GSG1L2: variants seen among roughly 807,000 people sequenced by gnomAD.
The protein encoded by GSG1L2 is GSG1 like 2, also known as germ cell-specific gene 1-like protein 2.
In GSG1L2, 15 loss-of-function variants were observed where a neutral mutation model predicts 9.0. That is an observed-to-expected ratio of 1.67 (90% CI 1.12 to 2.57). The LOEUF is 2.57. Among genes scored for constraint, GSG1L2 ranks in the 30% most tolerant of loss-of-function variants. The pLI, the probability that GSG1L2 is intolerant of heterozygous loss-of-function variation, is 0.00. For missense variants in GSG1L2, 286 were observed against 150.3 expected (o/e 1.90, Z -4.72); for synonymous variants, 127 against 57.9 (o/e 2.19, Z -5.41).
chr17:9,804,535 TC>T (rs968647022), intron 4 of GSG1L2: 1 of 152,170 alleles, frequency 6.6e-6, no homozygotes, highest in African/African-American at 2.4e-5. Context: ...TCAGAAATTA[TC>T]AGCCAGGCAT....
At position 9,820,725 on chromosome 17, in the gene GSG1L2, C is replaced by T. The variant is rs527552810; in HGVS notation, c.310+1037G>A. ...TCATTCAGGCTGGAGGGCAGTCACA[C>T]GATGATGACTCACTGCAGCCTCAAC... is the stretch of plus-strand genomic sequence containing the variant. On this transcript the variant is annotated intron_variant, in intron 1 of 4. Coordinates refer to ENST00000399363, the MANE Select transcript of GSG1L2 (RefSeq NM_001310219.2). The surrounding 1 kb of genome is among the most constrained non-coding windows in gnomAD (Gnocchi z 4.9). Among the ~76,000 whole-genome samples, 15 of 151,646 alleles carry T rather than the reference C, an allele frequency of 9.9e-5. No homozygotes were observed. Among genetic ancestry groups the T allele is most frequent in the South Asian group, 6.2e-4 (3 of 4,810 alleles).
At chr17:9,808,083 A>G (rs1187579010) in intron 3 of GSG1L2, among the ~76,000 whole-genome samples, 2 of 152,198 alleles carry the variant, frequency 1.3e-5, no homozygotes, top group Non-Finnish European at 2.9e-5. Context: ...GGGACTTTAA[A>G]AAAAGGACTT....
At position 9,801,857 on chromosome 17, in the gene GSG1L2, T is replaced by C. The variant is rs551487196; in HGVS notation, c.*529A>G. ...AACACAAAATTTCCAAGAAAAAATA[T>C]TTTAAAAAATAACAGGAAACATATT... On this transcript the variant is annotated 3_prime_UTR_variant, in exon 5 of 5. Coordinates refer to ENST00000399363, the MANE Select transcript of GSG1L2 (RefSeq NM_001310219.2). Among the ~76,000 whole-genome samples the C allele has an allele frequency of 2.3e-4, 35 of 152,318 alleles. No homozygotes were observed. The highest frequency in any genetic ancestry group is 7.5e-4 in the African/African-American group (31 of 41,576).
rs955356337 is a variant in GSG1L2, at chr17:9,802,575, G to A, written c.693C>T (p.Ala231=). 3.8e-5 allele frequency: 27 copies of A among 702,748 alleles called. No individual in the cohort carries two copies. The highest frequency in any genetic ancestry group is 6.0e-5 in the Non-Finnish European group (23 of 384,978). 43.5% of individuals were successfully genotyped at this position (702,748 alleles called of 1,614,324 possible). Residue 231 remains alanine (A), a synonymous_variant, in exon 5 of 5, where the codon GCC becomes GCT. Coordinates refer to ENST00000399363, the MANE Select transcript of GSG1L2 (RefSeq NM_001310219.2). ...SVSAMSRFTA[A]RLEFTEKQQA... The stretch of plus-strand genomic sequence containing the variant: ...GCTGCTTCTCGGTGAATTCCAGGCG[G>A]GCTGCCGTGAACCTGCTCATGGCCG...
chr17:9,801,496 G>A lies in GSG1L2; in HGVS notation c.*890C>T, dbSNP rs1475443558. 2.0e-5 allele frequency among the ~76,000 whole-genome samples: 3 copies of A among 152,064 alleles called. No individual in the cohort carries two copies. Among genetic ancestry groups the A allele is most frequent in the South Asian group, 2.1e-4 (1 of 4,824 alleles). On this transcript the variant is annotated 3_prime_UTR_variant, in exon 5 of 5. Coordinates refer to ENST00000399363, the MANE Select transcript of GSG1L2 (RefSeq NM_001310219.2). ...CTCACAAAGTGCTGGGATTACAGGC[G>A]TGAGCCACTACACCCACCCCCTTTC...
chr17:9,810,641 C>A, intron 1 of GSG1L2, 23 bp from the exon 2 acceptor site: 1 of 702,956 alleles, frequency 1.4e-6, no homozygotes, highest in South Asian at 1.5e-5. Flanking sequence ...GAGAATGCAT[C>A]CAGAAGTGGG....
At chr17:9,803,361 C>T (rs2066504871) in intron 4 of GSG1L2, among the ~76,000 whole-genome samples, 1 of 152,152 alleles carries the variant, frequency 6.6e-6, no homozygotes, top group South Asian at 2.1e-4. Context: ...CCTTGGCCTC[C>T]CACAGTGCTG....
chr17:9,808,902 C>T lies in GSG1L2; in HGVS notation c.439G>A (p.Val147Met), dbSNP rs1312144503. The T allele has an allele frequency of 8.5e-6, 6 of 702,888 alleles. No homozygotes were observed. 43.5% of individuals were successfully genotyped at this position (702,888 alleles called of 1,614,324 possible). Reference protein sequence around the residue: ...LTSAILLGSRVSCRSPGFHWL... With the variant: ...LTSAILLGSRMSCRSPGFHWL... ...TGGAACCCAGGGCTGCGACAACTCA[C>T]TCTGGAGCCCAGGAGGATGGCGCTT... Residue 147 changes from valine to methionine, a missense_variant, in exon 3 of 5, where the codon GTG (valine) becomes ATG (methionine). Coordinates refer to ENST00000399363, the MANE Select transcript of GSG1L2 (RefSeq NM_001310219.2).
intron 1 of GSG1L2, among the ~76,000 whole-genome samples, chr17:9,812,537 A>G (rs2066543253): frequency 6.6e-6 from 1 of 152,142 alleles, no homozygotes; most frequent in Admixed American, 6.5e-5. Flanking sequence ...CAACAGGAAC[A>G]GCTTTTCAGA....
intron 1 of GSG1L2, among the ~76,000 whole-genome samples, chr17:9,816,842 GTGTTTCTGTGTATCTGTATGTGTGTGTC>G: frequency 8.2e-6 from 1 of 121,548 alleles, no homozygotes; most frequent in African/African-American, 3.3e-5. Context: ...GTATCTGTGT[GTGTTTCTGTGTATCTGTATGTGTGTGTC>G]TGTGTGTGTA....
intron 1 of GSG1L2, among the ~76,000 whole-genome samples, chr17:9,816,500 GTGCC>G (rs1328350895): frequency 6.7e-6 from 1 of 148,272 alleles, no homozygotes; most frequent in African/African-American, 2.6e-5. Flanking sequence ...GTGTCTGTGT[GTGCC>G]TGTCTGTGTG....
chr17:9,809,198 G>C (rs1399618476), intron 2 of GSG1L2: 1 of 548,438 alleles, frequency 1.8e-6, no homozygotes, highest in Non-Finnish European at 3.3e-6. Context: ...TAGCTGAACG[G>C]GCGGTGGGGT....
intron 4 of GSG1L2, chr17:9,805,071 T>C (rs2066511776): frequency 6.6e-6 from 1 of 151,830 alleles, no homozygotes; most frequent in Admixed American, 6.6e-5. Flanking sequence ...TCAGAAAATA[T>C]AATAAAAAGA....
rs2066493191 is a variant in GSG1L2, at chr17:9,800,659, A to G, written c.*1727T>C. ...TGGCATCCTCAGCCACAGTGTTCACAGGTGTTTTTCACAACAGCGAATTCA... is the reference window on the plus strand; with the variant it reads ...TGGCATCCTCAGCCACAGTGTTCACGGGTGTTTTTCACAACAGCGAATTCA... On this transcript the variant is annotated 3_prime_UTR_variant, in exon 5 of 5. Coordinates refer to ENST00000399363, the MANE Select transcript of GSG1L2 (RefSeq NM_001310219.2). 2.0e-5 allele frequency among the ~76,000 whole-genome samples: 3 copies of G among 152,264 alleles called. No individual in the cohort carries two copies. Among genetic ancestry groups the G allele is most frequent in the Non-Finnish European group, 2.9e-5 (2 of 68,044 alleles).
chr17:9,817,539 C>G (rs2066572681), intron 1 of GSG1L2, among the ~76,000 whole-genome samples: 1 of 151,958 alleles, frequency 6.6e-6, no homozygotes, highest in African/African-American at 2.4e-5. Flanking sequence ...ATTCTGCTGC[C>G]TCAGCCTCCT....
chr17:9,804,450 G>C (rs1320773049), intron 4 of GSG1L2: 2 of 152,240 alleles, frequency 1.3e-5, no homozygotes. Context: ...AGGGAAGGGG[G>C]CTGGTCTGAA....
chr17:9,802,976 G>A (rs981802441), intron 4 of GSG1L2, among the ~76,000 whole-genome samples: 1 of 152,192 alleles, frequency 6.6e-6, no homozygotes, highest in Admixed American at 6.5e-5. Flanking sequence ...CAGGGTGGCT[G>A]TGAGGAATTC....
At chr17:9,809,627 T>TGCTGATTGGTGAGTTTTACAGAGC (rs2066531603) in intron 2 of GSG1L2, 1 of 155,082 alleles carries the variant, frequency 6.4e-6, no homozygotes, top group Non-Finnish European at 1.4e-5. Flanking sequence ...TTTTACAGAG[T>TGCTGATTGGTGAGTTTTACAGAGC]GCTGATTGGT....
chr17:9,812,344 C>T (rs1055918891), intron 1 of GSG1L2, among the ~76,000 whole-genome samples: 1 of 152,066 alleles, frequency 6.6e-6, no homozygotes, highest in Non-Finnish European at 1.5e-5. Context: ...CCCTATTTCC[C>T]CTAGCATCAA....
Sources: allele counts gnomAD v4.1 joint callset (sites outside exome capture counted in the v4.1 genomes callset), GRCh38; gene constraint gnomAD v4.1.1; non-coding constraint Gnocchi (gnomAD v3.1); transcripts MANE v1.5; gene names NCBI Gene and HGNC (gene_info 2026-07-23, HGNC 2026-07-21).